DST: variants seen among roughly 807,000 people sequenced by gnomAD.
DST encodes dystonin.
Under a neutral mutation model 875.2 loss-of-function variants are expected in DST, and 253 were observed. The ratio of observed to expected loss-of-function variants is 0.29; its 90% CI spans 0.26 to 0.32. DST has a LOEUF of 0.32. DST is among the 10% of genes least tolerant of loss of function. DST has a pLI of 1.00. For synonymous variants in DST, 3,124 were observed against 3,197.1 expected, an observed-to-expected ratio of 0.98 and a Z score of 0.77; for missense variants, 8,287 against 9,111.6, an observed-to-expected ratio of 0.91 and a Z score of 3.68.
intron 9 of DST, among the ~76,000 whole-genome samples, chr6:56,697,133 G>C (rs1172530160): frequency 1.3e-5 from 2 of 152,142 alleles, no homozygotes; most frequent in East Asian, 3.9e-4. Flanking sequence ...TCACCCCTGT[G>C]TCTCTCAGTA....
Position 56,615,436 on chromosome 6 carries a change from G to A in DST, c.4930-952C>T. On this transcript the variant is annotated intron_variant, in intron 36 of 103. Transcript: ENST00000680361. ...GTTACATAATTCACAGACTGCATAT[G>A]TAGCCGATATCATCATACTCTGAAA... The A allele has an allele frequency of 3.1e-6, 5 of 1,600,798 alleles. No individual in the cohort carries two copies. In the South Asian group the frequency reaches 3.4e-5, roughly 11 times the overall value.
chr6:56,850,890 T>C (rs1304655406), intron 4 of DST, among the ~76,000 whole-genome samples: 1 of 152,206 alleles, frequency 6.6e-6, no homozygotes, highest in Non-Finnish European at 1.5e-5. Context: ...ATGGATACAA[T>C]GATGCAGACA....
chr6:56,946,507 A>G (rs949452375), intron 2 of DST, among the ~76,000 whole-genome samples: 1 of 152,192 alleles, frequency 6.6e-6, no homozygotes, highest in Non-Finnish European at 1.5e-5. Context: ...GTTTATAGGT[A>G]AGGGAAAGGA....
chr6:56,640,569 C>A lies in DST; in HGVS notation c.2064G>T (p.Arg688Ser). 1 of 1,614,152 alleles carries A rather than the reference C, an allele frequency of 6.2e-7. No homozygotes were observed. The highest frequency in any genetic ancestry group is 8.5e-7 in the Non-Finnish European group (1 of 1,180,006). The change falls in exon 18 of 104, where the codon AGG becomes AGT. Residue 688 changes from arginine (R) to serine (S), a missense_variant. Coordinates refer to ENST00000680361, the MANE Select transcript of DST (RefSeq NM_001374736.1). ...TGCTGTACACAGAAGAACATTCGTTCCTTAAGGCCATAATTTCGTCACGCA... is the reference window on the plus strand; with the variant it reads ...TGCTGTACACAGAAGAACATTCGTTACTTAAGGCCATAATTTCGTCACGCA... ...AKLRDEIMALRNECSSVYSKG... is the reference protein window; with the variant it reads ...AKLRDEIMALSNECSSVYSKG...
Position 56,497,510 on chromosome 6 carries a change from G to A in DST, c.20095-3C>T, listed in dbSNP as rs746738289. 1 of 1,612,138 alleles carries A rather than the reference G, an allele frequency of 6.2e-7. No individual in the cohort carries two copies. The highest frequency in any genetic ancestry group is 8.5e-7 in the Non-Finnish European group (1 of 1,179,158). On this transcript the variant is annotated splice_polypyrimidine_tract_variant and splice_region_variant and intron_variant, in intron 81 of 103. Transcript: ENST00000680361. ...ATTTCGCCATGGAACCCTTTGGCCTGAAGTAATAGGCAGTTTTAAGTTGGG... is the reference window on the plus strand; with the variant it reads ...ATTTCGCCATGGAACCCTTTGGCCTAAAGTAATAGGCAGTTTTAAGTTGGG...
intron 2 of DST, among the ~76,000 whole-genome samples, chr6:56,934,560 T>TTTTTATATATATATATATATATA (rs869186436): frequency 1.9e-5 from 2 of 106,486 alleles, no homozygotes; most frequent in African/African-American, 7.1e-5. Flanking sequence ...ATATATTATA[T>TTTTTATATATATATATATATATA]TATATATATA....
At chr6:56,623,364 T>G (rs1156360897) in intron 36 of DST, among the ~76,000 whole-genome samples, 6 of 152,160 alleles carry the variant, frequency 3.9e-5, no homozygotes, top group Non-Finnish European at 8.8e-5. Context: ...GAATAAGATC[T>G]CTCAAAAACT....
At chr6:56,670,831 A>G in intron 9 of DST, 24 bp from the exon 10 acceptor site, 1 of 1,519,458 alleles carries the variant, frequency 6.6e-7, no homozygotes, top group Non-Finnish European at 8.9e-7. Context: ...AAAGTGTTAA[A>G]CCTTTAGGAA....
chr6:56,621,633 G>A (rs1432412915), intron 36 of DST, among the ~76,000 whole-genome samples: 35 of 152,028 alleles, frequency 2.3e-4, no homozygotes, highest in Admixed American at 2.3e-3. Context: ...ACTCTACTAG[G>A]GACAGAATCA....
intron 61 of DST, among the ~76,000 whole-genome samples, 189 bp from the exon 62 acceptor site, chr6:56,537,129 T>C (rs2097020556): frequency 1.3e-5 from 2 of 152,164 alleles, no homozygotes. Flanking sequence ...TATAAATTAG[T>C]AGCACATCAA....
intron 4 of DST, among the ~76,000 whole-genome samples, chr6:56,744,740 C>T (rs2152942747): frequency 6.6e-6 from 1 of 152,284 alleles, no homozygotes; most frequent in South Asian, 2.1e-4. Context: ...CACTGCCTCA[C>T]TCTAGTAACA....
Position 56,608,695 on chromosome 6 carries a change from A to C in DST, c.5933T>G (p.Ile1978Arg). ...SILRAAHEGL[I>R]DRETMFRLLS... ...CAACCTAAACATGGTTTCACGGTCT[A>C]TGAGACCTTCATGAGCTGCTCTTAA... The change falls in exon 40 of 104, where the codon ATA becomes AGA. Residue 1978 changes from isoleucine (I) to arginine (R), a missense_variant. Around this residue, in one of 10 missense-constraint regions of DST, gnomAD observed 3,138 missense variants for 3,116.6 expected, o/e 1.01. Coordinates refer to ENST00000680361, the MANE Select transcript of DST (RefSeq NM_001374736.1). The C allele has an allele frequency of 6.2e-7, 1 of 1,612,858 alleles. No homozygotes were observed. Among genetic ancestry groups the C allele is most frequent in the Non-Finnish European group, 8.5e-7 (1 of 1,179,408 alleles).
intron 4 of DST, among the ~76,000 whole-genome samples, chr6:56,770,266 T>A (rs2099648342): frequency 6.6e-6 from 1 of 152,174 alleles, no homozygotes; most frequent in African/African-American, 2.4e-5. Context: ...CACTTAAAAA[T>A]GGTACAGCCA....
chr6:56,529,859 C>T (rs2096864860), intron 65 of DST, 85 bp from the exon 66 acceptor site: 1 of 1,452,520 alleles, frequency 6.9e-7, no homozygotes. Context: ...TAAAGCATGA[C>T]ATGTTAAATG....
rs1331659299 is a variant in DST at position 56,604,497 on chromosome 6, T to C, written c.10131A>G (p.Ser3377=). ...TTAAAATTTTAGTGTCTGCACAGGC[T>C]GAAGGTTCTTCAACCTCTTGAGGGT... ...HMNPQEVEEP[S]ACADTKILIQ... The change falls in exon 40 of 104, where the codon TCA becomes TCG. Residue 3377 remains serine, a synonymous_variant. Transcript: ENST00000680361. The C allele has an allele frequency of 1.9e-6, 3 of 1,612,602 alleles. No individual in the cohort carries two copies. Among genetic ancestry groups the C allele is most frequent in the Non-Finnish European group, 8.5e-7 (1 of 1,179,118 alleles).
At chr6:56,512,542 A>G (rs1224579295) in intron 72 of DST, among the ~76,000 whole-genome samples, 1 of 152,130 alleles carries the variant, frequency 6.6e-6, no homozygotes, top group Non-Finnish European at 1.5e-5. Context: ...GTGTATCTCC[A>G]AACTCCAGCC....
At chr6:56,951,927 A>C (rs1199342912) in intron 2 of DST, among the ~76,000 whole-genome samples, 2 of 152,184 alleles carry the variant, frequency 1.3e-5, no homozygotes, top group Non-Finnish European at 2.9e-5. Flanking sequence ...CCCAACTCTG[A>C]GTTCTATTTG....
intron 22 of DST, among the ~76,000 whole-genome samples, chr6:56,638,328 A>G (rs1415878591): frequency 6.6e-6 from 1 of 152,126 alleles, no homozygotes; most frequent in African/African-American, 2.4e-5. Context: ...TTTAACATTC[A>G]TATGTGACAT....
chr6:56,654,029 A>G (rs549605504), intron 10 of DST, among the ~76,000 whole-genome samples: 33 of 152,374 alleles, frequency 2.2e-4, no homozygotes, highest in African/African-American at 7.7e-4. Context: ...GACTAACCAA[A>G]GAGCATTAGA....
Sources: gnomAD v4.1 joint callset for allele counts (sites outside exome capture counted in the v4.1 genomes callset) on GRCh38, gnomAD v4.1.1 for gene constraint, gnomAD v4.1.1 regional missense constraint, MANE v1.5 for transcripts, NCBI Gene and HGNC (gene_info 2026-07-23, HGNC 2026-07-21) for gene names.